The following ARHGEF6 variants were observed in gnomAD, a reference collection of about 807,000 sequenced individuals.
ARHGEF6 encodes the protein Rac/Cdc42 guanine nucleotide exchange factor 6.
ARHGEF6 carries 9 observed loss-of-function variants against 70.3 expected under a neutral mutation model. That is an observed-to-expected ratio of 0.13 (90% CI 0.08 to 0.22). The LOEUF is 0.22. Ranked by LOEUF, ARHGEF6 falls within the 10% of genes least tolerant of loss-of-function variation. The pLI is 1.00. For missense variants in ARHGEF6, 470 were observed against 563.0 expected (o/e 0.83, Z 1.67); for synonymous variants, 201 against 207.8 (o/e 0.97, Z 0.28).
At chrX:136,709,731 G>A (rs935997041) in intron 7 of ARHGEF6, among the ~76,000 whole-genome samples, 13 of 112,100 alleles carry the variant, frequency 1.2e-4, no homozygotes, top group African/African-American at 2.9e-4. Context: ...CTGGGAGGCC[G>A]AGGCGGGTGG....
intron 12 of ARHGEF6, among the ~76,000 whole-genome samples, chrX:136,684,200 C>T (rs1023278804): frequency 1.8e-5 from 2 of 111,903 alleles, no homozygotes; most frequent in African/African-American, 6.5e-5. Context: ...AAATGCTCCT[C>T]GTGGAATTTC....
chrX:136,692,766 G>A (rs1326483754), intron 9 of ARHGEF6, among the ~76,000 whole-genome samples: 2 of 111,855 alleles, frequency 1.8e-5, no homozygotes, highest in Non-Finnish European at 3.8e-5. Flanking sequence ...GGTCTTTTTA[G>A]GATGCCATAC....
chrX:136,731,535 G>A (rs2076935477), intron 6 of ARHGEF6, among the ~76,000 whole-genome samples: 2 of 111,813 alleles, frequency 1.8e-5, no homozygotes, highest in African/African-American at 6.5e-5. Context: ...TTTCAAACAG[G>A]AATTTATTTT....
intron 6 of ARHGEF6, among the ~76,000 whole-genome samples, chrX:136,720,839 A>G (rs1034969687): frequency 2.7e-5 from 3 of 112,250 alleles, no homozygotes; most frequent in Non-Finnish European, 5.6e-5. Flanking sequence ...AATGTCAATC[A>G]TTTTCCTTTA....
At chrX:136,693,874 T>C (rs1202147847) in intron 9 of ARHGEF6, among the ~76,000 whole-genome samples, 2 of 111,158 alleles carry the variant, frequency 1.8e-5, no homozygotes, top group Non-Finnish European at 3.8e-5. Flanking sequence ...TCGGGGGAAA[T>C]CACTGTGGTC....
In ARHGEF6 at chrX:136,767,960, G is replaced by C. The variant is rs184488135; in HGVS notation, c.249+11454C>G. Among the ~76,000 whole-genome samples the C allele has an allele frequency of 2.3e-3, 255 of 112,701 alleles. 1 individual carries two copies. Among genetic ancestry groups the C allele is most frequent in the African/African-American group, 6.7e-3 (208 of 31,092 alleles). On this transcript the variant is annotated intron_variant, in intron 2 of 21. Transcript: ENST00000250617. ...CTGCCGCCCGCTTCAGCCCCTACCCGAGGGCTGCCGGTGCCTGGCATGTTG... is the reference window on the plus strand; with the variant it reads ...CTGCCGCCCGCTTCAGCCCCTACCCCAGGGCTGCCGGTGCCTGGCATGTTG...
chrX:136,688,031 G>C (rs2076422200), intron 10 of ARHGEF6, 40 bp from the exon 11 acceptor site: 1 of 1,085,187 alleles, frequency 9.2e-7, no homozygotes, highest in Non-Finnish European at 1.3e-6. Context: ...TTAGAGGAGA[G>C]AGGATCAGCA....
chrX:136,777,427 A>AC (rs1484545112), intron 2 of ARHGEF6, among the ~76,000 whole-genome samples: 2 of 110,826 alleles, frequency 1.8e-5, no homozygotes, highest in Non-Finnish European at 3.8e-5. Context: ...ACAATTAAAA[A>AC]AAAAACAAAA....
intron 6 of ARHGEF6, among the ~76,000 whole-genome samples, chrX:136,722,640 G>GA (rs768144931): frequency 1.3e-4 from 15 of 111,249 alleles, no homozygotes; most frequent in African/African-American, 4.9e-4. Flanking sequence ...ATATTACAAA[G>GA]AAAAAAAAGC....
chrX:136,725,368 C>A (rs1332690585), intron 6 of ARHGEF6, among the ~76,000 whole-genome samples: 2 of 104,615 alleles, frequency 1.9e-5, no homozygotes, highest in Non-Finnish European at 3.9e-5. Flanking sequence ...ATTATGCCCC[C>A]CCCCCAAAAA....
intron 9 of ARHGEF6, among the ~76,000 whole-genome samples, chrX:136,700,445 T>C (rs763995490): frequency 1.4e-4 from 16 of 111,120 alleles, no homozygotes; most frequent in Non-Finnish European, 2.8e-4. Context: ...GAACATTGCT[T>C]GAACCTGTGA....
intron 2 of ARHGEF6, among the ~76,000 whole-genome samples, chrX:136,766,965 G>A (rs1225260234): frequency 8.9e-6 from 1 of 112,219 alleles, no homozygotes; most frequent in Non-Finnish European, 1.9e-5. Context: ...CCCCTTCCCG[G>A]CACCCTGGAT....
intron 5 of ARHGEF6, among the ~76,000 whole-genome samples, chrX:136,741,465 C>G (rs2077040865): frequency 9.0e-6 from 1 of 110,943 alleles, no homozygotes; most frequent in African/African-American, 3.3e-5. Flanking sequence ...TTCCAACCAA[C>G]AGTAGGCTAT....
At chrX:136,708,413 A>T (rs753659782) in intron 8 of ARHGEF6, among the ~76,000 whole-genome samples, 18 of 110,669 alleles carry the variant, frequency 1.6e-4, no homozygotes, top group African/African-American at 5.9e-4. Flanking sequence ...TGTGTCTCTT[A>T]TACTGACCAG....
rs1603352046 is a variant in ARHGEF6 at position 136,748,843 on chromosome X, T to C, written c.250-1251A>G. Among the ~76,000 whole-genome samples, 3 of 112,251 alleles carry C rather than the reference T, an allele frequency of 2.7e-5. No individual in the cohort carries two copies. The East Asian group carries it at 8.3e-4, about 31-fold the overall frequency. On this transcript the variant is annotated intron_variant, in intron 2 of 21. Coordinates refer to ENST00000250617, the MANE Select transcript of ARHGEF6 (RefSeq NM_004840.3). The stretch of plus-strand genomic sequence containing the variant: ...AACCATATCAAGACAAATTTCTATC[T>C]TTTTTGTACATGTTCTTGAAAACCT...
rs1178416064 is a variant in ARHGEF6 at position 136,676,796 on chromosome X, A to T, written c.1852-79T>A. On this transcript the variant is annotated intron_variant, in intron 17 of 21. Transcript: ENST00000250617. ...TAAAAGCATGAATGAAACTAAGTAG[A>T]ATTCCTCTCTCTTATTTTGACAGTC... is the stretch of plus-strand genomic sequence containing the variant. 7.4e-6 allele frequency: 5 copies of T among 671,237 alleles called. No homozygotes were observed. In the Admixed American group the frequency reaches 1.2e-4, roughly 16 times the overall value. The allele number at this position is 671,237 out of a possible 1,213,427, so 55.3% of individuals were successfully genotyped here.
chrX:136,758,524 C>T (rs989889379), intron 2 of ARHGEF6, among the ~76,000 whole-genome samples: 1 of 110,229 alleles, frequency 9.1e-6, no homozygotes, highest in Non-Finnish European at 1.9e-5. Flanking sequence ...AAGAGAGTTT[C>T]GGTAATAGAA....
intron 6 of ARHGEF6, among the ~76,000 whole-genome samples, chrX:136,720,224 C>T (rs1201864248): frequency 1.8e-5 from 2 of 111,460 alleles, no homozygotes; most frequent in East Asian, 2.8e-4. Flanking sequence ...AACATAGTTA[C>T]AAAAATCATC....
intron 9 of ARHGEF6, among the ~76,000 whole-genome samples, chrX:136,691,241 C>G (rs933258137): frequency 1.8e-5 from 2 of 112,064 alleles, no homozygotes; most frequent in Non-Finnish European, 3.8e-5. Flanking sequence ...GTATCACCCA[C>G]TTGTAATGTT....
Sources: gnomAD v4.1 joint callset for allele counts (sites outside exome capture counted in the v4.1 genomes callset) on GRCh38, gnomAD v4.1.1 for gene constraint, MANE v1.5 for transcripts, NCBI Gene and HGNC (gene_info 2026-07-23, HGNC 2026-07-21) for gene names.